HEY1: variants seen among roughly 807,000 people sequenced by gnomAD.
HEY1 encodes the protein hairy/enhancer-of-split related with YRPW motif protein 1.
In HEY1, 9 loss-of-function variants were observed where a neutral mutation model predicts 28.7. The observed-to-expected ratio is 0.31, with a 90% CI of 0.19 to 0.55. The LOEUF (loss-of-function observed/expected upper bound fraction) is 0.55, where lower values mean the gene tolerates loss of function less well. Ranked by LOEUF, HEY1 falls within the 20% of genes least tolerant of loss-of-function variation. HEY1 has a pLI of 0.93. For synonymous variants in HEY1, 213 were observed against 175.6 expected, an observed-to-expected ratio of 1.21 and a Z score of -1.68; for missense variants, 385 against 399.4, an observed-to-expected ratio of 0.96 and a Z score of 0.31.
rs967288571 is a variant in HEY1 at position 79,767,210 on chromosome 8, G to A, written c.165+9C>T. The A allele has an allele frequency of 1.9e-6, 3 of 1,608,886 alleles. No homozygotes were observed. Among genetic ancestry groups the A allele is most frequent in the Admixed American group, 1.7e-5 (1 of 59,776 alleles). ...AACAAAAATAAAAGGAGAGTGTAAA[G>A]AGACTCACTCCTCTCCGTCTTTTTC... On this transcript the variant is annotated intron_variant, in intron 2 of 4. Coordinates refer to ENST00000354724, the MANE Select transcript of HEY1 (RefSeq NM_012258.4).
chr8:79,765,572 G>A lies in HEY1; in HGVS notation c.531C>T (p.His177=). The A allele has an allele frequency of 6.2e-7, 1 of 1,614,184 alleles. No individual in the cohort carries two copies. Among genetic ancestry groups the A allele is most frequent in the South Asian group, 1.1e-5 (1 of 91,090 alleles). Residue 177 remains histidine, a synonymous_variant, in exon 5 of 5, where the codon CAC becomes CAT. Transcript: ENST00000354724. ...GTCCGAAGACGGTCCCCCAGGGAAT[G>A]TGTCCGAGGCCCGCGTGGGCGCCGC... ...AASGAHAGLG[H]IPWGTVFGHH... is the part of the protein sequence containing the mutation.
Position 79,767,695 on chromosome 8 carries a change from G to A in HEY1, c.-32C>T, listed in dbSNP as rs1187328712. On this transcript the variant is annotated 5_prime_UTR_variant, in exon 1 of 5. Transcript: ENST00000354724. The stretch of plus-strand genomic sequence containing the variant: ...TCCCTGGGGGTTCCTGGGGAGGGTC[G>A]GCGCGGCGGGCAGGGAGGAGTTAAC... The A allele has an allele frequency of 6.5e-7, 1 of 1,529,790 alleles. No homozygotes were observed. The highest frequency in any genetic ancestry group is 1.2e-5 in the South Asian group (1 of 84,460). 94.8% of individuals were successfully genotyped at this position (1,529,790 alleles called of 1,614,324 possible). A position where few individuals can be genotyped will look rare whatever the true frequency, so the allele number is the denominator to read the frequency against.
At position 79,765,728 on chromosome 8, in the gene HEY1, C is replaced by T. The variant is rs149646861; in HGVS notation, c.375G>A (p.Leu125=). 3,115 of 1,614,076 alleles carry T rather than the reference C, an allele frequency of 1.9e-3. 5 individuals are homozygous for T. Among genetic ancestry groups the T allele is most frequent in the Non-Finnish European group, 2.5e-3 (2,937 of 1,179,918 alleles). The change falls in exon 5 of 5, where the codon TTG becomes TTA. Residue 125 remains leucine, a synonymous_variant. Coordinates refer to ENST00000354724, the MANE Select transcript of HEY1 (RefSeq NM_012258.4). The part of the protein sequence containing the change: ...AHALAMDYRS[L]GFRECLAEVA... The stretch of plus-strand genomic sequence containing the variant: ...CTTCTGCCAGGCATTCCCGAAATCC[C>T]AAACTCCGATAGTCCATAGCAAGGG...
At chr8:79,765,856 A>G in intron 4 of HEY1, 85 bp from the exon 5 acceptor site, 1 of 1,164,964 alleles carries the variant, frequency 8.6e-7, no homozygotes, top group Non-Finnish European at 1.2e-6. Context: ...TTCCTGGCAG[A>G]TACCTGCATC....
chr8:79,766,396 T>C (rs1807838529), intron 4 of HEY1: 1 of 1,454,744 alleles, frequency 6.9e-7, no homozygotes, highest in East Asian at 2.5e-5. Context: ...TCACAACTTT[T>C]GAAGACCTCA....
At position 79,765,418 on chromosome 8, in the gene HEY1, A is replaced by C. The variant is rs113318113; in HGVS notation, c.685T>G (p.Leu229Val). The C allele has an allele frequency of 6.2e-7, 1 of 1,610,980 alleles. No homozygotes were observed. Among genetic ancestry groups the C allele is most frequent in the Admixed American group, 1.7e-5 (1 of 59,546 alleles). Residue 229 changes from leucine (L) to valine (V), a missense_variant, in exon 5 of 5, where the codon TTG becomes GTG. Physicochemically the swap from Leu to Val is conservative, Grantham distance 32 (BLOSUM62 1). Coordinates refer to ENST00000354724, the MANE Select transcript of HEY1 (RefSeq NM_012258.4). ...LGSAHPEAPA[L>V]RAPPSGSLGP... ...AGGCTGCCGCTAGGGGGCGCTCGCA[A>C]AGCAGGCGCCTCCGGATGTGCCGAG... is the stretch of plus-strand genomic sequence containing the variant.
intron 4 of HEY1, 108 bp downstream of exon 4, chr8:79,766,542 TC>T: frequency 6.4e-7 from 1 of 1,555,456 alleles, no homozygotes. Context: ...CACCGTTCTC[TC>T]CCCACCCCCA....
rs999466473 is a variant in HEY1 at position 79,764,543 on chromosome 8, G to A, written c.*645C>T. On this transcript the variant is annotated 3_prime_UTR_variant, in exon 5 of 5. Coordinates refer to ENST00000354724, the MANE Select transcript of HEY1 (RefSeq NM_012258.4). ...GGCAGATACCAGCAGCTGGTCAGAT[G>A]GATTCAGGGCCACCAACAGTTTGTA... 1 of 227,354 alleles carries A rather than the reference G, an allele frequency of 4.4e-6. No individual in the cohort carries two copies. Among genetic ancestry groups the A allele is most frequent in the African/African-American group, 2.2e-5 (1 of 45,000 alleles). The allele number at this position is 227,354 out of a possible 1,614,324, so 14.1% of individuals were successfully genotyped here.
chr8:79,766,697 C>T lies in HEY1; in HGVS notation c.285G>A (p.Gln95=). The T allele has an allele frequency of 6.2e-7, 1 of 1,614,252 alleles. No individual in the cohort carries two copies. Among genetic ancestry groups the T allele is most frequent in the Non-Finnish European group, 8.5e-7 (1 of 1,180,042 alleles). ...GCATTTTCAGGTGATCCACGGTCAT[C>T]TGCAGGATCTCGGCTTTTTCTAGCT... ...SAKLEKAEIL[Q]MTVDHLKMLH... The change falls in exon 4 of 5, where the codon CAG becomes CAA. Residue 95 remains glutamine, a synonymous_variant. Coordinates refer to ENST00000354724, the MANE Select transcript of HEY1 (RefSeq NM_012258.4).
At position 79,767,619 on chromosome 8, in the gene HEY1, C is replaced by T; in HGVS notation, c.45G>A (p.Leu15=). ...CCTTCTCCACCTCGATGGTCTCGTC[C>T]AGCTCGCTGTCCGAGGAGCTGTACT... ...HPEYSSSDSE[L]DETIEVEKES... is the part of the protein sequence containing the mutation. Residue 15 remains leucine, a synonymous_variant, in exon 1 of 5, where the codon CTG becomes CTA. Transcript: ENST00000354724. The T allele has an allele frequency of 5.0e-6, 8 of 1,610,602 alleles. No homozygotes were observed. Among genetic ancestry groups the T allele is most frequent in the South Asian group, 2.2e-5 (2 of 90,182 alleles).
rs768365577 is a variant in HEY1, at chr8:79,765,485, G to T, written c.618C>A (p.Thr206=). 6.2e-7 allele frequency: 1 copy of T among 1,613,516 alleles called. No individual in the cohort carries two copies. Among genetic ancestry groups the T allele is most frequent in the Non-Finnish European group, 8.5e-7 (1 of 1,179,764 alleles). Residue 206 remains threonine, a synonymous_variant, in exon 5 of 5, where the codon ACC becomes ACA. Transcript: ENST00000354724. Reference sequence around the variant, plus strand: ...GGTGCGGTTCCGTGGGTGAGGCCGTGGTGCCCGCGTTCCCGTGGCCGTTCT... The same window carrying T: ...GGTGCGGTTCCGTGGGTGAGGCCGTTGTGCCCGCGTTCCCGTGGCCGTTCT... ...LPQNGHGNAG[T]TASPTEPHHQ...
At position 79,765,828 on chromosome 8, in the gene HEY1, A is replaced by G. The variant is rs918699728; in HGVS notation, c.332-57T>C. 7.5e-6 allele frequency: 11 copies of G among 1,474,204 alleles called. No homozygotes were observed. In the Admixed American group the frequency reaches 1.2e-4, roughly 16 times the overall value. The allele number at this position is 1,474,204 out of a possible 1,614,324, so 91.3% of individuals were successfully genotyped here. ...GCTTTGCCCGTTTCCCTCATTTCTT[A>G]AGTCCCAGAGACAGCCCTTCCTGGC... On this transcript the variant is annotated intron_variant, in intron 4 of 4. Transcript: ENST00000354724.
intron 4 of HEY1, 133 bp downstream of exon 4, chr8:79,766,518 C>A: frequency 6.6e-7 from 1 of 1,523,570 alleles, no homozygotes. Flanking sequence ...TGACAGGGAA[C>A]TGCACACACC....
In HEY1 at chr8:79,767,691, G is replaced by A; in HGVS notation, c.-28C>T. 7 of 1,547,550 alleles carry A rather than the reference G, an allele frequency of 4.5e-6. No homozygotes were observed. The highest frequency in any genetic ancestry group is 2.4e-5 in the East Asian group (1 of 41,664). On this transcript the variant is annotated 5_prime_UTR_variant, in exon 1 of 5. Transcript: ENST00000354724. ...TGGCTCCCTGGGGGTTCCTGGGGAGGGTCGGCGCGGCGGGCAGGGAGGAGT... is the reference window on the plus strand; with the variant it reads ...TGGCTCCCTGGGGGTTCCTGGGGAGAGTCGGCGCGGCGGGCAGGGAGGAGT...
intron 1 of HEY1, 84 bp from the exon 2 acceptor site, chr8:79,767,378 C>T (rs988215952): frequency 7.7e-7 from 1 of 1,293,386 alleles, no homozygotes; most frequent in African/African-American, 1.5e-5. Flanking sequence ...CCACACCCTC[C>T]CCGCACTCAG....
At chr8:79,766,986 G>T (rs113738053) in intron 3 of HEY1, 23 bp downstream of exon 3, 1 of 1,593,816 alleles carries the variant, frequency 6.3e-7, no homozygotes, top group Non-Finnish European at 8.6e-7. Context: ...TATGCTGAGA[G>T]CTTTACCTAC....
Position 79,764,145 on chromosome 8 carries a change from TTAAA to T in HEY1, c.*1039_*1042del, listed in dbSNP as rs1807769272. On this transcript the variant is annotated 3_prime_UTR_variant, in exon 5 of 5. Coordinates refer to ENST00000354724, the MANE Select transcript of HEY1 (RefSeq NM_012258.4). ...ATGATATTTTATAGCCCAAATCAAA[TTAAA>T]TAAATCAAAGAGAAGGAGGCAGGAA... is the stretch of plus-strand genomic sequence containing the variant. 4.9e-6 allele frequency: 1 copy of T among 204,330 alleles called. No homozygotes were observed. The highest frequency in any genetic ancestry group is 1.0e-5 in the Non-Finnish European group (1 of 100,008). The allele number at this position is 204,330 out of a possible 1,614,324, so 12.7% of individuals were successfully genotyped here.
At chr8:79,766,220 T>C (rs1054313966) in intron 4 of HEY1, 5 of 1,535,052 alleles carry the variant, frequency 3.3e-6, no homozygotes, top group Non-Finnish European at 4.4e-6. Flanking sequence ...TCCCGTTAGG[T>C]TTCCTTTACT....
rs1347425066 is a variant in HEY1, at chr8:79,765,547, G to A, written c.556C>T (p.His186Tyr). ...GHIPWGTVFG[H>Y]HPHIAHPLLL... The stretch of plus-strand genomic sequence containing the variant: ...AGCGGGTGCGCGATGTGCGGGTGAT[G>A]TCCGAAGACGGTCCCCCAGGGAATG... The change falls in exon 5 of 5, where the codon CAT becomes TAT. Residue 186 changes from histidine to tyrosine, a missense_variant. By Grantham distance (83) the His-to-Tyr change is moderately conservative. Transcript: ENST00000354724. 5.0e-6 allele frequency: 8 copies of A among 1,613,892 alleles called. No homozygotes were observed. The highest frequency in any genetic ancestry group is 5.9e-6 in the Non-Finnish European group (7 of 1,180,044).
Sources: allele counts gnomAD v4.1 joint callset, GRCh38; gene constraint gnomAD v4.1.1; transcripts MANE v1.5; gene names NCBI Gene and HGNC (gene_info 2026-07-23, HGNC 2026-07-21).